TPX2: variants seen among roughly 807,000 people sequenced by gnomAD.
TPX2 encodes targeting protein for Xklp2.
TPX2 carries 21 observed loss-of-function variants against 93.6 expected under a neutral mutation model. The ratio of observed to expected loss-of-function variants is 0.22; its 90% CI spans 0.16 to 0.32. The LOEUF (loss-of-function observed/expected upper bound fraction) is 0.32. TPX2 is among the 10% of genes least tolerant of loss of function. The probability of loss-of-function intolerance (pLI) is 1.00; values close to 1 mark genes in which losing one functional copy is unlikely to be tolerated. For missense variants in TPX2, 776 were observed against 871.1 expected (o/e 0.89, Z 1.37); for synonymous variants, 281 against 298.3 (o/e 0.94, Z 0.60).
chr20:31,774,899 T>G (rs1428871765), intron 7 of TPX2, among the ~76,000 whole-genome samples: 2 of 152,126 alleles, frequency 1.3e-5, no homozygotes, highest in Non-Finnish European at 2.9e-5. Context: ...GCCATTGCAC[T>G]AGGCTTCTAC....
At chr20:31,777,376 G>C in intron 8 of TPX2, 111 bp from the exon 9 acceptor site, 2 of 1,351,302 alleles carry the variant, frequency 1.5e-6, no homozygotes, top group Non-Finnish European at 2.0e-6. Flanking sequence ...TAGATAGTAA[G>C]CAAAGTTAGA....
At chr20:31,781,979 GGAACCTGTCA>G (rs1218099578) in intron 10 of TPX2, among the ~76,000 whole-genome samples, 1 of 152,038 alleles carries the variant, frequency 6.6e-6, no homozygotes, top group Non-Finnish European at 1.5e-5. Context: ...GCAGTGATAA[GGAACCTGTCA>G]GACATGGATG....
intron 6 of TPX2, among the ~76,000 whole-genome samples, chr20:31,771,118 C>T (rs978135169): frequency 3.3e-5 from 5 of 152,138 alleles, no homozygotes; most frequent in African/African-American, 4.8e-5. Flanking sequence ...TCATTTCATT[C>T]GCCTAGACTT....
intron 9 of TPX2, among the ~76,000 whole-genome samples, chr20:31,778,065 A>AT (rs1213468321): frequency 2.0e-5 from 3 of 152,254 alleles, no homozygotes; most frequent in South Asian, 4.2e-4. Context: ...GTGAGCCATC[A>AT]TGCCTGGCCA....
At chr20:31,775,802 A>AT in intron 7 of TPX2, 65 bp from the exon 8 acceptor site, 1 of 1,387,900 alleles carries the variant, frequency 7.2e-7, no homozygotes, top group South Asian at 2.0e-5. Flanking sequence ...ATGCCTGTAG[A>AT]TTCTTTTGAG....
intron 12 of TPX2, among the ~76,000 whole-genome samples, chr20:31,788,661 A>C (rs529525972): frequency 1.3e-5 from 2 of 152,166 alleles, no homozygotes; most frequent in African/African-American, 4.8e-5. Context: ...GGGCTTGGGC[A>C]GCAGTGGGCC....
intron 1 of TPX2, among the ~76,000 whole-genome samples, chr20:31,741,278 A>G (rs980510649): frequency 2.6e-5 from 4 of 152,102 alleles, no homozygotes; most frequent in African/African-American, 9.7e-5. Context: ...GTTAGGAAGC[A>G]AAATTGACTA....
At chr20:31,766,075 TC>T (rs1342998072) in intron 4 of TPX2, among the ~76,000 whole-genome samples, 1 of 152,250 alleles carries the variant, frequency 6.6e-6, no homozygotes, top group Admixed American at 6.5e-5. Context: ...TGGCATTGTT[TC>T]ACTTTTATAT....
At chr20:31,782,747 G>A (rs973773944) in intron 11 of TPX2, among the ~76,000 whole-genome samples, 1 of 152,058 alleles carries the variant, frequency 6.6e-6, no homozygotes, top group African/African-American at 2.4e-5. Context: ...AAAAAAATTA[G>A]CTGGGCATGG....
rs538601587 is a variant in TPX2 at position 31,742,174 on chromosome 20, CTT to C, written c.-177-349_-177-348del. 1.6e-3 allele frequency among the ~76,000 whole-genome samples: 196 copies of C among 126,318 alleles called. 1 individual carries two copies. Among genetic ancestry groups the C allele is most frequent in the African/African-American group, 4.3e-3 (137 of 32,050 alleles). 82.9% of individuals were successfully genotyped at this position (126,318 alleles called of 152,430 possible). A position where few individuals can be genotyped will look rare whatever the true frequency, so the allele number is the denominator to read the frequency against. ...TAAAACAAAGTAGTAAAAGTTTGCTCTTTTTTTTTTTTTTTTTTTGAGACAGT... is the reference window on the plus strand; with the variant it reads ...TAAAACAAAGTAGTAAAAGTTTGCTCTTTTTTTTTTTTTTTTTGAGACAGT... On this transcript the variant is annotated intron_variant, in intron 1 of 17. Transcript: ENST00000300403.
At chr20:31,759,258 T>C (rs2061871859) in intron 3 of TPX2, among the ~76,000 whole-genome samples, 1 of 152,054 alleles carries the variant, frequency 6.6e-6, no homozygotes, top group African/African-American at 2.4e-5. Context: ...TAAGATAAAA[T>C]TTCTTGAGAG....
intron 12 of TPX2, among the ~76,000 whole-genome samples, chr20:31,791,914 G>GTT (rs1464179835): frequency 3.9e-5 from 6 of 152,190 alleles, no homozygotes; most frequent in African/African-American, 1.4e-4. Flanking sequence ...TGCCAGATTT[G>GTT]TGATAGAATA....
chr20:31,750,267 C>T (rs2061810751), intron 2 of TPX2, among the ~76,000 whole-genome samples: 1 of 152,038 alleles, frequency 6.6e-6, no homozygotes, highest in East Asian at 1.9e-4. Flanking sequence ...AAGCAATTCT[C>T]CTGCCTCAGT....
At chr20:31,747,871 C>T (rs1297574334) in intron 2 of TPX2, among the ~76,000 whole-genome samples, 2 of 150,462 alleles carry the variant, frequency 1.3e-5, no homozygotes, top group East Asian at 3.9e-4. Flanking sequence ...GGGGCTCTCT[C>T]ATTTAAACAG....
intron 2 of TPX2, among the ~76,000 whole-genome samples, chr20:31,745,297 C>T (rs886777663): frequency 6.7e-6 from 1 of 150,082 alleles, no homozygotes; most frequent in Non-Finnish European, 1.5e-5. Flanking sequence ...AGCCTTGTTA[C>T]TTCTTCACTC....
At chr20:31,760,714 T>C (rs1000223043) in intron 4 of TPX2, among the ~76,000 whole-genome samples, 1 of 152,196 alleles carries the variant, frequency 6.6e-6, no homozygotes, top group African/African-American at 2.4e-5. Flanking sequence ...TGTGACAAGA[T>C]TTAATGTAAC....
At chr20:31,774,758 A>AT (rs1461835109) in intron 7 of TPX2, among the ~76,000 whole-genome samples, 1 of 152,066 alleles carries the variant, frequency 6.6e-6, no homozygotes, top group African/African-American at 2.4e-5. Flanking sequence ...TACTTTCCTC[A>AT]TTCTACTGGT....
At chr20:31,794,911 C>T (rs1316956623) in intron 15 of TPX2, among the ~76,000 whole-genome samples, 3 of 151,728 alleles carry the variant, frequency 2.0e-5, no homozygotes, top group Admixed American at 6.6e-5. Flanking sequence ...AGCTCCGCCT[C>T]CTGGGTTCAC....
chr20:31,760,409 G>T (rs2061882382), intron 4 of TPX2, among the ~76,000 whole-genome samples: 1 of 151,066 alleles, frequency 6.6e-6, no homozygotes, highest in African/African-American at 2.4e-5. Flanking sequence ...TTTAAGATGG[G>T]GTCTGGTTCT....
Sources: gnomAD v4.1 joint callset for allele counts (sites outside exome capture counted in the v4.1 genomes callset) on GRCh38, gnomAD v4.1.1 for gene constraint, MANE v1.5 for transcripts, NCBI Gene and HGNC (gene_info 2026-07-23, HGNC 2026-07-21) for gene names.